Variants in CD2AP observed in about 807,000 individuals in gnomAD.
The protein encoded by CD2AP is CD2 associated protein, also known as CD2-associated protein.
A neutral mutation model predicts 85.1 loss-of-function variants in CD2AP; 46 were observed. That is an observed-to-expected ratio of 0.54 (90% CI 0.43 to 0.69). CD2AP has a LOEUF of 0.69. Among genes scored for constraint, CD2AP ranks in the 30% least tolerant of loss-of-function variants. CD2AP has a pLI of 0.00. For synonymous variants in CD2AP, 255 were observed against 252.9 expected (o/e 1.01, Z -0.08); for missense variants, 769 against 729.5 (o/e 1.05, Z -0.62).
chr6:47,609,666 T>C (rs927288783), intron 16 of CD2AP, among the ~76,000 whole-genome samples: 2 of 152,022 alleles, frequency 1.3e-5, no homozygotes, highest in African/African-American at 4.8e-5. Flanking sequence ...GCCAGTGCGC[T>C]CCAGCCTGGG....
intron 2 of CD2AP, among the ~76,000 whole-genome samples, chr6:47,531,579 C>T (rs1766877055): frequency 6.6e-6 from 1 of 151,260 alleles, no homozygotes; most frequent in African/African-American, 2.4e-5. Flanking sequence ...CCATATTGGT[C>T]TCTCTGGTCC....
chr6:47,525,567 G>A (rs1241010644), intron 2 of CD2AP, among the ~76,000 whole-genome samples: 1 of 152,086 alleles, frequency 6.6e-6, no homozygotes, highest in Non-Finnish European at 1.5e-5. Context: ...TAGATAGCCA[G>A]ATTATTATAT....
intron 1 of CD2AP, among the ~76,000 whole-genome samples, chr6:47,491,932 C>A (rs1033051290): frequency 3.3e-5 from 5 of 152,026 alleles, no homozygotes; most frequent in African/African-American, 1.2e-4. Context: ...GGATTAAGTT[C>A]TTAGAGTTTG....
intron 1 of CD2AP, 138 bp downstream of exon 1, chr6:47,478,386 C>G (rs558578035): frequency 1.0e-6 from 1 of 1,004,814 alleles, no homozygotes; most frequent in Non-Finnish European, 1.5e-6. Context: ...TTCTCCCCAC[C>G]GCCCCTTCTT....
chr6:47,609,379 T>A (rs1582621559), intron 16 of CD2AP, 75 bp downstream of exon 16: 1 of 1,209,602 alleles, frequency 8.3e-7, no homozygotes, highest in African/African-American at 1.5e-5. Context: ...CCATATTAAG[T>A]AAAAATCTAA....
chr6:47,505,937 C>T (rs866097253), intron 2 of CD2AP, among the ~76,000 whole-genome samples: 17 of 95,126 alleles, frequency 1.8e-4, no homozygotes, highest in East Asian at 3.3e-4. Context: ...GGGTGGCTGC[C>T]GGGCGGAGAC....
chr6:47,593,829 C>T (rs995916076), intron 11 of CD2AP, among the ~76,000 whole-genome samples: 7 of 151,970 alleles, frequency 4.6e-5, no homozygotes, highest in East Asian at 1.9e-4. Context: ...AACAGACTCT[C>T]GTGTATTGTA....
At chr6:47,535,036 A>G (rs1162615325) in intron 3 of CD2AP, among the ~76,000 whole-genome samples, 1 of 152,072 alleles carries the variant, frequency 6.6e-6, no homozygotes, top group African/African-American at 2.4e-5. Context: ...GGCTCAAGTG[A>G]TTTGCCCCCA....
Position 47,589,523 on chromosome 6 carries a change from CATAT to C in CD2AP, c.1109-6334_1109-6331del, listed in dbSNP as rs1166511159. 8.6e-5 allele frequency among the ~76,000 whole-genome samples: 7 copies of C among 81,296 alleles called. No homozygotes were observed. The South Asian group carries it at 2.4e-3, about 28-fold the overall frequency. The allele number at this position is 81,296 out of a possible 152,430, so 53.3% of individuals were successfully genotyped here. A position where few individuals can be genotyped will look rare whatever the true frequency, so the allele number is the denominator to read the frequency against. Reference sequence around the variant, plus strand: ...ATATATACACATACGTATGTACACACATATATACACATATGTACACATATATATA... The same window carrying C: ...ATATATACACATACGTATGTACACACATACACATATGTACACATATATATA... On this transcript the variant is annotated intron_variant, in intron 11 of 17. Coordinates refer to ENST00000359314, the MANE Select transcript of CD2AP (RefSeq NM_012120.3).
At chr6:47,572,717 C>T (rs1323334651) in intron 5 of CD2AP, among the ~76,000 whole-genome samples, 1 of 152,096 alleles carries the variant, frequency 6.6e-6, no homozygotes, top group African/African-American at 2.4e-5. Context: ...ACCTGTAGGT[C>T]CCTGGGAAAG....
rs547162816 is a variant in CD2AP, at chr6:47,530,415, T to A, written c.166-3187T>A. Among the ~76,000 whole-genome samples, 7 of 152,360 alleles carry A rather than the reference T, an allele frequency of 4.6e-5. No homozygotes were observed. The East Asian group carries it at 1.2e-3, about 25-fold the overall frequency. On this transcript the variant is annotated intron_variant, in intron 2 of 17. Coordinates refer to ENST00000359314, the MANE Select transcript of CD2AP (RefSeq NM_012120.3). The stretch of plus-strand genomic sequence containing the variant: ...ACAAAACCATTTATCTGCTTTTTAA[T>A]CTATACATTAGTTTGTATTTTCTAA...
In CD2AP at chr6:47,574,234, G is replaced by A; in HGVS notation, c.712G>A (p.Glu238Lys). ...RTRTSSSETE[E>K]KKPEKPLILQ... The stretch of plus-strand genomic sequence containing the variant: ...AAGAACATCCAGTAGTGAAACAGAA[G>A]AGAAAAAACCAGAAAAGGTGGTAAT... The change falls in exon 6 of 18, where the codon GAG becomes AAG. Residue 238 changes from glutamate to lysine, a missense_variant. Glu to Lys is a moderately conservative substitution (Grantham distance 56). Coordinates refer to ENST00000359314, the MANE Select transcript of CD2AP (RefSeq NM_012120.3). 6.2e-7 allele frequency: 1 copy of A among 1,613,868 alleles called. No individual in the cohort carries two copies. The highest frequency in any genetic ancestry group is 8.5e-7 in the Non-Finnish European group (1 of 1,179,872).
chr6:47,502,032 G>C lies in CD2AP; in HGVS notation c.5-1248G>C, dbSNP rs116283345. On this transcript the variant is annotated intron_variant, in intron 1 of 17. Coordinates refer to ENST00000359314, the MANE Select transcript of CD2AP (RefSeq NM_012120.3). ...AGGTTGCACTGAAGATGGTGGCCAGGGTTGGGTTCACATTTGGGGCTCTAC... is the reference window on the plus strand; with the variant it reads ...AGGTTGCACTGAAGATGGTGGCCAGCGTTGGGTTCACATTTGGGGCTCTAC... Among the ~76,000 whole-genome samples the C allele has an allele frequency of 7.9e-3, 1,200 of 152,272 alleles. 13 individuals are homozygous for C. The highest frequency in any genetic ancestry group is 0.027 in the African/African-American group (1,120 of 41,548).
intron 5 of CD2AP, among the ~76,000 whole-genome samples, chr6:47,557,014 A>G (rs1336031587): frequency 6.6e-6 from 1 of 152,170 alleles, no homozygotes; most frequent in African/African-American, 2.4e-5. Context: ...AATGATCGCC[A>G]TTCTAACTGG....
At chr6:47,488,347 G>A (rs1459817081) in intron 1 of CD2AP, among the ~76,000 whole-genome samples, 1 of 152,098 alleles carries the variant, frequency 6.6e-6, no homozygotes, top group Non-Finnish European at 1.5e-5. Flanking sequence ...TGTGAAGCAA[G>A]TATACATATA....
chr6:47,570,828 C>T (rs536055860), intron 5 of CD2AP, among the ~76,000 whole-genome samples: 2 of 152,236 alleles, frequency 1.3e-5, no homozygotes, highest in Admixed American at 6.5e-5. Context: ...ATATACTTTA[C>T]CGCTATACCA....
At chr6:47,621,933 C>T (rs1769755847) in intron 17 of CD2AP, among the ~76,000 whole-genome samples, 1 of 152,176 alleles carries the variant, frequency 6.6e-6, no homozygotes, top group Non-Finnish European at 1.5e-5. Context: ...TAGTCTTCCA[C>T]TACTAGGGTG....
intron 4 of CD2AP, among the ~76,000 whole-genome samples, chr6:47,553,289 T>C (rs1017093798): frequency 6.6e-6 from 1 of 152,038 alleles, no homozygotes; most frequent in Non-Finnish European, 1.5e-5. Flanking sequence ...TTTCTAGCTA[T>C]ATTGTGTGTA....
chr6:47,582,939 C>T (rs918878798), intron 11 of CD2AP, among the ~76,000 whole-genome samples: 3 of 151,990 alleles, frequency 2.0e-5, no homozygotes, highest in African/African-American at 4.8e-5. Flanking sequence ...CCCGCCACCA[C>T]GCCCGGCTAA....
Sources: gnomAD v4.1 joint callset for allele counts (sites outside exome capture counted in the v4.1 genomes callset) on GRCh38, gnomAD v4.1.1 for gene constraint, MANE v1.5 for transcripts, NCBI Gene and HGNC (gene_info 2026-07-23, HGNC 2026-07-21) for gene names.